RBFOX3: variants seen among roughly 807,000 people sequenced by gnomAD.
RBFOX3 encodes RNA binding fox-1 homolog 3.
In RBFOX3, 17 loss-of-function variants were observed where a neutral mutation model predicts 48.7. The observed-to-expected ratio is 0.35, with a 90% CI of 0.24 to 0.52. The LOEUF (loss-of-function observed/expected upper bound fraction) is 0.52, where lower values mean the gene tolerates loss of function less well. Ranked by LOEUF, RBFOX3 falls within the 20% of genes least tolerant of loss-of-function variation. The pLI, the probability that RBFOX3 is intolerant of heterozygous loss-of-function variation, is 0.94. For synonymous variants in RBFOX3, 212 were observed against 209.5 expected, an observed-to-expected ratio of 1.01 and a Z score of -0.10; for missense variants, 382 against 497.5, an observed-to-expected ratio of 0.77 and a Z score of 2.21.
intron 1 of RBFOX3, among the ~76,000 whole-genome samples, chr17:79,490,720 TAGAGAGAGAG>T (rs59694667): frequency 6.9e-6 from 1 of 144,246 alleles, no homozygotes; most frequent in Non-Finnish European, 1.5e-5. Flanking sequence ...GCCTGCAGTG[TAGAGAGAGAG>T]AGAGAGAGAG....
In RBFOX3 at chr17:79,173,471, C is replaced by G. The variant is rs759830618; in HGVS notation, c.-33-57723G>C. Among the ~76,000 whole-genome samples, 16 of 152,198 alleles carry G rather than the reference C, an allele frequency of 1.1e-4. 1 individual carries two copies. ...CTCTAGTCCTGCTAGCCCTGTGCTG[C>G]CTGGTGGGGAGGGCCTATTCTCTCT... On this transcript the variant is annotated intron_variant, in intron 4 of 14. Coordinates refer to ENST00000693108, the MANE Select transcript of RBFOX3 (RefSeq NM_001350451.2).
At chr17:79,452,317 C>A (rs916410994) in intron 2 of RBFOX3, among the ~76,000 whole-genome samples, 1 of 152,144 alleles carries the variant, frequency 6.6e-6, no homozygotes, top group African/African-American at 2.4e-5. Context: ...TCACCACCTC[C>A]GCTGCGGAGG....
intron 1 of RBFOX3, among the ~76,000 whole-genome samples, chr17:79,549,619 G>A: frequency 6.6e-6 from 1 of 152,238 alleles, no homozygotes; most frequent in Admixed American, 6.5e-5. Context: ...CCAGGATGAT[G>A]GGGGCCCTCA....
intron 1 of RBFOX3, among the ~76,000 whole-genome samples, chr17:79,497,545 G>T (rs1829525505): frequency 6.6e-6 from 1 of 152,160 alleles, no homozygotes. Context: ...TGGCAGGAAG[G>T]CCAGAAGCCA....
chr17:79,181,423 G>A (rs541236618), intron 4 of RBFOX3, among the ~76,000 whole-genome samples: 30 of 152,190 alleles, frequency 2.0e-4, no homozygotes, highest in Non-Finnish European at 4.1e-4. Context: ...ACCTGACCTC[G>A]GAGGCCTATC....
intron 2 of RBFOX3, among the ~76,000 whole-genome samples, chr17:79,458,937 C>T (rs926912037): frequency 3.9e-5 from 6 of 152,206 alleles, no homozygotes; most frequent in African/African-American, 1.4e-4. Flanking sequence ...GATCTAATGG[C>T]AAGCACAGGA....
chr17:79,123,049 G>A lies in RBFOX3; in HGVS notation c.-33-7301C>T, dbSNP rs1248343996. On this transcript the variant is annotated intron_variant, in intron 4 of 14. Transcript: ENST00000693108. ...ACAGAGAGCAGAAGGATGATGACCA[G>A]AGGCTGGAAAGACGAGGGGGGTGTG... Among the ~76,000 whole-genome samples, 3 of 151,916 alleles carry A rather than the reference G, an allele frequency of 2.0e-5. No individual in the cohort carries two copies. In the East Asian group the frequency reaches 5.8e-4, roughly 29 times the overall value.
At chr17:79,565,423 T>C (rs1455263090) in intron 1 of RBFOX3, among the ~76,000 whole-genome samples, 4 of 151,386 alleles carry the variant, frequency 2.6e-5, no homozygotes, top group Middle Eastern at 6.8e-3. Flanking sequence ...CACTGCAACC[T>C]CTGCCTCCCA....
intron 2 of RBFOX3, among the ~76,000 whole-genome samples, chr17:79,468,632 TAGAC>T (rs1458894136): frequency 9.5e-5 from 14 of 147,524 alleles, no homozygotes; most frequent in East Asian, 2.1e-4. Flanking sequence ...GGCAGGCAGA[TAGAC>T]AGAAGGATGG....
At chr17:79,332,635 CAGAGATGGAGACAGAGAGACAAAG>C (rs1341433878) in intron 2 of RBFOX3, among the ~76,000 whole-genome samples, 4,760 of 149,140 alleles carry the variant, frequency 0.032, 273 homozygotes, top group African/African-American at 0.11. Context: ...CAAAGAGAGA[CAGAGATGGAGACAGAGAGACAAAG>C]AGAGATGGAG....
intron 3 of RBFOX3, among the ~76,000 whole-genome samples, chr17:79,253,243 A>G (rs986018162): frequency 3.1e-4 from 47 of 152,130 alleles, no homozygotes; most frequent in African/African-American, 1.1e-3. Context: ...CCCCACCTCA[A>G]ATACCTGCCC....
intron 2 of RBFOX3, among the ~76,000 whole-genome samples, chr17:79,402,138 C>G (rs2062887249): frequency 6.6e-6 from 1 of 152,180 alleles, no homozygotes. Context: ...TGGCACCACT[C>G]AAGGAGAAAA....
At chr17:79,145,260 G>A (rs1480691358) in intron 4 of RBFOX3, among the ~76,000 whole-genome samples, 1 of 152,196 alleles carries the variant, frequency 6.6e-6, no homozygotes, top group African/African-American at 2.4e-5. Context: ...GTCTCCTGGG[G>A]TCTTGCAGAG....
At chr17:79,356,025 G>A (rs142353123) in intron 2 of RBFOX3, among the ~76,000 whole-genome samples, 7 of 152,288 alleles carry the variant, frequency 4.6e-5, no homozygotes, top group East Asian at 3.9e-4. Flanking sequence ...ATATCACTGC[G>A]TCTGTATAAA....
chr17:79,192,730 C>T (rs535941817), intron 4 of RBFOX3, among the ~76,000 whole-genome samples: 46 of 152,298 alleles, frequency 3.0e-4, no homozygotes, highest in African/African-American at 1.1e-3. Flanking sequence ...GCTGCCTACA[C>T]CTCTGTCTCC....
rs1047084229 is a variant in RBFOX3 at position 79,502,034 on chromosome 17, C to T, written c.-319-19436G>A. On this transcript the variant is annotated intron_variant, in intron 1 of 14. Coordinates refer to ENST00000693108, the MANE Select transcript of RBFOX3 (RefSeq NM_001350451.2). ...AGATCCTGGAGAAATATCTGAGAAC[C>T]CTGGTCATTGCCACACTCACAGGCC... 4.2e-4 allele frequency among the ~76,000 whole-genome samples: 64 copies of T among 152,230 alleles called. 1 individual carries two copies. Among genetic ancestry groups the T allele is most frequent in the African/African-American group, 1.3e-3 (56 of 41,532 alleles).
At chr17:79,134,401 G>T (rs981486180) in intron 4 of RBFOX3, among the ~76,000 whole-genome samples, 2 of 152,234 alleles carry the variant, frequency 1.3e-5, no homozygotes, top group Non-Finnish European at 2.9e-5. Context: ...GGTCCGGGCA[G>T]TGGCTCTGGG....
intron 1 of RBFOX3, among the ~76,000 whole-genome samples, chr17:79,556,683 G>C (rs1356828787): frequency 6.6e-6 from 1 of 152,216 alleles, no homozygotes; most frequent in Non-Finnish European, 1.5e-5. Context: ...AGGAAGAAAA[G>C]ACGGGCAAAA....
intron 3 of RBFOX3, among the ~76,000 whole-genome samples, chr17:79,259,898 G>A (rs915586543): frequency 6.6e-6 from 1 of 152,114 alleles, no homozygotes; most frequent in African/African-American, 2.4e-5. Flanking sequence ...TTGCAGATGA[G>A]GAAACTGATG....
Sources: allele counts gnomAD v4.1 joint callset (sites outside exome capture counted in the v4.1 genomes callset), GRCh38; gene constraint gnomAD v4.1.1; transcripts MANE v1.5; gene names NCBI Gene and HGNC (gene_info 2026-07-23, HGNC 2026-07-21).